Variants in CCDC170 observed in about 807,000 individuals in gnomAD.
CCDC170 encodes the protein coiled-coil domain-containing protein 170.
A neutral mutation model predicts 72.6 loss-of-function variants in CCDC170; 69 were observed. The observed-to-expected ratio is 0.95, with a 90% CI of 0.78 to 1.16. The LOEUF is 1.16. Ranked by LOEUF, CCDC170 falls within the 50% of genes most tolerant of loss-of-function variation. CCDC170 has a pLI of 0.00. For synonymous variants in CCDC170, 300 were observed against 303.9 expected (o/e 0.99, Z 0.13); for missense variants, 852 against 832.5 (o/e 1.02, Z -0.29).
At chr6:151,596,992 A>C (rs1447477360) in intron 9 of CCDC170, among the ~76,000 whole-genome samples, 2 of 152,094 alleles carry the variant, frequency 1.3e-5, no homozygotes, top group East Asian at 3.9e-4. Context: ...ACGCCTGGCT[A>C]ATTTTGTATT....
rs1339070885 is a variant in CCDC170, at chr6:151,619,180, T to C, written c.*1033T>C. 6.6e-6 allele frequency: 1 copy of C among 152,156 alleles called. No homozygotes were observed. The highest frequency in any genetic ancestry group is 1.9e-4 in the East Asian group (1 of 5,196). The allele number at this position is 152,156 out of a possible 1,614,324, so 9.4% of individuals were successfully genotyped here. A position where few individuals can be genotyped will look rare whatever the true frequency, so the allele number is the denominator to read the frequency against. On this transcript the variant is annotated 3_prime_UTR_variant, in exon 11 of 11. Transcript: ENST00000239374. ...TGTTCTAACTGTTGCTACCAGATTA[T>C]ATCTGGTGGTAATTGTTAATGTTTC...
intron 6 of CCDC170, among the ~76,000 whole-genome samples, chr6:151,575,848 CTT>C (rs1165684877): frequency 1.3e-5 from 2 of 152,102 alleles, no homozygotes; most frequent in African/African-American, 4.8e-5. Context: ...TTTTCTATCT[CTT>C]TGTGGAGATA....
chr6:151,514,373 G>GAGGA (rs1184730408), intron 1 of CCDC170, among the ~76,000 whole-genome samples: 1,606 of 106,962 alleles, frequency 0.015, 22 homozygotes, highest in Non-Finnish European at 0.019. Context: ...GGGAGGGAGG[G>GAGGA]AGGAAGGAAG....
chr6:151,549,823 C>T lies in CCDC170; in HGVS notation c.774+1334C>T, dbSNP rs918846036. Among the ~76,000 whole-genome samples the T allele has an allele frequency of 2.0e-5, 3 of 152,334 alleles. No homozygotes were observed. In the East Asian group the frequency reaches 5.8e-4, roughly 29 times the overall value. On this transcript the variant is annotated intron_variant, in intron 5 of 10. Transcript: ENST00000239374. ...AACACAAATGTTGACACACTCTGCA[C>T]ACTATATGTTTCTCTTTTTATTTAT...
chr6:151,600,970 G>A (rs1306418723), intron 9 of CCDC170, among the ~76,000 whole-genome samples: 1 of 152,082 alleles, frequency 6.6e-6, no homozygotes, highest in Non-Finnish European at 1.5e-5. Flanking sequence ...TCTGTAAATT[G>A]TATATAAATG....
intron 1 of CCDC170, among the ~76,000 whole-genome samples, chr6:151,514,012 C>T (rs1331664867): frequency 4.0e-5 from 6 of 150,258 alleles, no homozygotes; most frequent in Non-Finnish European, 8.9e-5. Flanking sequence ...TTTTTTTCAT[C>T]GATTAGACAA....
intron 1 of CCDC170, among the ~76,000 whole-genome samples, chr6:151,516,192 G>C (rs1480209962): frequency 6.6e-6 from 1 of 152,130 alleles, no homozygotes; most frequent in Non-Finnish European, 1.5e-5. Context: ...ATTGCTACAG[G>C]AGTCTGTTCT....
intron 1 of CCDC170, among the ~76,000 whole-genome samples, chr6:151,520,533 C>T (rs964941787): frequency 4.6e-5 from 7 of 152,340 alleles, no homozygotes; most frequent in Admixed American, 2.0e-4. Flanking sequence ...TTTCCCAAAA[C>T]AAACCTCCTT....
chr6:151,608,199 G>T (rs1459220173), intron 9 of CCDC170, among the ~76,000 whole-genome samples: 2 of 151,828 alleles, frequency 1.3e-5, no homozygotes, highest in Admixed American at 1.3e-4. Context: ...TTATTTCTTT[G>T]CTGACTTTCT....
In CCDC170 at chr6:151,591,558, A is replaced by G. The variant is rs531779040; in HGVS notation, c.1294-1549A>G. 1.5e-3 allele frequency among the ~76,000 whole-genome samples: 230 copies of G among 151,858 alleles called. 2 individuals are homozygous for G. The highest frequency in any genetic ancestry group is 5.2e-3 in the African/African-American group (214 of 41,354). Reference sequence around the variant, plus strand: ...CGCCCAGGCTGGAGTGCGGTGGTGCAATCTCGGCTTACTATAAGCTCCGCC... The same window carrying G: ...CGCCCAGGCTGGAGTGCGGTGGTGCGATCTCGGCTTACTATAAGCTCCGCC... On this transcript the variant is annotated intron_variant, in intron 7 of 10. Transcript: ENST00000239374.
At chr6:151,524,144 C>G (rs922560834) in intron 1 of CCDC170, among the ~76,000 whole-genome samples, 8 of 152,172 alleles carry the variant, frequency 5.3e-5, no homozygotes, top group Non-Finnish European at 7.4e-5. Flanking sequence ...GGGCGCTTAG[C>G]TTAAGTTACT....
At chr6:151,545,749 C>T (rs932598946) in intron 4 of CCDC170, among the ~76,000 whole-genome samples, 1 of 152,080 alleles carries the variant, frequency 6.6e-6, no homozygotes, top group Non-Finnish European at 1.5e-5. Flanking sequence ...ATCCTCCCGC[C>T]TCAGCCTCCT....
At chr6:151,598,624 T>A (rs1304105571) in intron 9 of CCDC170, among the ~76,000 whole-genome samples, 1 of 152,164 alleles carries the variant, frequency 6.6e-6, no homozygotes, top group Admixed American at 6.5e-5. Context: ...AGGGGCAGCA[T>A]GAGGGCCAGA....
rs1183964642 is a variant in CCDC170, at chr6:151,538,083, C to G, written c.225C>G (p.Val75=). ...GATCCAAGATGCTTTCTAAAGAAGT[C>G]TCCTGTCAAGAACTGAAAGCTGAAA... ...DLRSKMLSKE[V]SCQELKAEME... is the part of the protein sequence containing the mutation. The change falls in exon 3 of 11, where the codon GTC becomes GTG. Residue 75 remains valine (V), a synonymous_variant. Transcript: ENST00000239374. The G allele has an allele frequency of 6.2e-7, 1 of 1,612,686 alleles. No homozygotes were observed. Among genetic ancestry groups the G allele is most frequent in the South Asian group, 1.1e-5 (1 of 91,000 alleles).
intron 7 of CCDC170, among the ~76,000 whole-genome samples, chr6:151,589,555 C>A (rs1776503386): frequency 6.6e-6 from 1 of 152,064 alleles, no homozygotes; most frequent in Non-Finnish European, 1.5e-5. Flanking sequence ...ACTAGATCTC[C>A]AATGCCTCCC....
intron 10 of CCDC170, among the ~76,000 whole-genome samples, chr6:151,617,498 C>T (rs1776989188): frequency 6.8e-6 from 1 of 146,306 alleles, no homozygotes; most frequent in African/African-American, 2.5e-5. Context: ...AGCATGTTTA[C>T]CATCCATGGG....
At chr6:151,593,062 A>G in intron 7 of CCDC170, 45 bp from the exon 8 acceptor site, 1 of 1,591,572 alleles carries the variant, frequency 6.3e-7, no homozygotes. Context: ...TCACTCATTA[A>G]CTTTGACTTT....
intron 1 of CCDC170, among the ~76,000 whole-genome samples, chr6:151,513,919 CAAAAA>C (rs58387477): frequency 1.4e-3 from 74 of 51,200 alleles, no homozygotes; most frequent in African/African-American, 4.7e-3. Flanking sequence ...GACCCTGTCT[CAAAAA>C]AAAAAAAAAA....
At chr6:151,588,640 G>C (rs1203932784) in intron 7 of CCDC170, among the ~76,000 whole-genome samples, 1 of 152,108 alleles carries the variant, frequency 6.6e-6, no homozygotes, top group Non-Finnish European at 1.5e-5. Flanking sequence ...TGGAAAATTT[G>C]ATTTTGTAAA....
Sources: allele counts gnomAD v4.1 joint callset (sites outside exome capture counted in the v4.1 genomes callset), GRCh38; gene constraint gnomAD v4.1.1; transcripts MANE v1.5; gene names NCBI Gene and HGNC (gene_info 2026-07-23, HGNC 2026-07-21).